The following PCCB variants were observed in gnomAD, a reference collection of about 807,000 sequenced individuals.
PCCB encodes the protein propionyl-CoA carboxylase beta chain, mitochondrial.
PCCB carries 43 observed loss-of-function variants against 60.7 expected under a neutral mutation model. The ratio of observed to expected loss-of-function variants is 0.71; its 90% confidence interval spans 0.55 to 0.91. The LOEUF is 0.91. Among genes scored for constraint, PCCB ranks in the 40% least tolerant of loss-of-function variants. The pLI is 0.00. For synonymous variants in PCCB, 276 were observed against 255.9 expected, an observed-to-expected ratio of 1.08 and a Z score of -0.75; for missense variants, 766 against 702.8, an observed-to-expected ratio of 1.09 and a Z score of -1.02.
chr3:136,262,617 T>C (rs1378110323), intron 5 of PCCB, among the ~76,000 whole-genome samples: 1 of 152,164 alleles, frequency 6.6e-6, no homozygotes. Context: ...AAATAATGTG[T>C]TATGTGAAGT....
intron 10 of PCCB, among the ~76,000 whole-genome samples, chr3:136,322,260 G>A (rs1013331415): frequency 6.6e-6 from 1 of 152,096 alleles, no homozygotes; most frequent in Non-Finnish European, 1.5e-5. Context: ...GATAGATTAC[G>A]TTAATTGATT....
At chr3:136,319,486 C>T (rs2108229442) in intron 10 of PCCB, among the ~76,000 whole-genome samples, 1 of 151,498 alleles carries the variant, frequency 6.6e-6, no homozygotes. Context: ...AATCTCTGTG[C>T]CCCGAGTTTC....
intron 10 of PCCB, among the ~76,000 whole-genome samples, chr3:136,322,211 A>T (rs1199065471): frequency 6.6e-6 from 1 of 152,148 alleles, no homozygotes. Context: ...TTTTGTATTC[A>T]TATGATCATG....
intron 8 of PCCB, among the ~76,000 whole-genome samples, chr3:136,299,971 T>C (rs1017592858): frequency 2.0e-5 from 3 of 151,904 alleles, no homozygotes; most frequent in African/African-American, 4.8e-5. Flanking sequence ...TGTATGCATG[T>C]ATACACACAT....
intron 7 of PCCB, among the ~76,000 whole-genome samples, chr3:136,294,175 T>C (rs1576335147): frequency 6.6e-6 from 1 of 152,286 alleles, no homozygotes; most frequent in Non-Finnish European, 1.5e-5. Flanking sequence ...AGTTGAACCT[T>C]TGAAAAAAAA....
intron 6 of PCCB, among the ~76,000 whole-genome samples, chr3:136,292,312 C>G (rs1933731863): frequency 6.6e-6 from 1 of 151,520 alleles, no homozygotes; most frequent in Admixed American, 6.6e-5. Flanking sequence ...GTGGGGAAGA[C>G]CTTTGTAGCT....
intron 9 of PCCB, among the ~76,000 whole-genome samples, chr3:136,311,757 T>C (rs762815508): frequency 2.0e-5 from 3 of 152,160 alleles, no homozygotes; most frequent in Non-Finnish European, 2.9e-5. Context: ...CCCAGGAGTT[T>C]GAGACCATCC....
chr3:136,320,721 C>T (rs1357008382), intron 10 of PCCB, among the ~76,000 whole-genome samples: 1 of 152,074 alleles, frequency 6.6e-6, no homozygotes, highest in Non-Finnish European at 1.5e-5. Flanking sequence ...TTCATTAGCC[C>T]TCTTGTGGAT....
intron 1 of PCCB, 96 bp from the exon 2 acceptor site, chr3:136,255,760 G>C (rs1158272601): frequency 1.3e-5 from 14 of 1,059,976 alleles, no homozygotes; most frequent in South Asian, 2.5e-5. Context: ...AGATCAACGG[G>C]CAAATCTGCC....
At chr3:136,327,823 GC>G in intron 13 of PCCB, 91 bp downstream of exon 13, 1 of 1,046,148 alleles carries the variant, frequency 9.6e-7, no homozygotes, top group Non-Finnish European at 1.5e-6. Context: ...TTGGAGAGAG[GC>G]CAGGGCCCCT....
At chr3:136,268,961 C>T (rs1372595815) in intron 5 of PCCB, among the ~76,000 whole-genome samples, 1 of 152,174 alleles carries the variant, frequency 6.6e-6, no homozygotes, top group Non-Finnish European at 1.5e-5. Flanking sequence ...CTGTCTTGCA[C>T]TTCTTTTGTT....
At chr3:136,280,056 A>G (rs906642382) in intron 5 of PCCB, among the ~76,000 whole-genome samples, 3 of 152,208 alleles carry the variant, frequency 2.0e-5, no homozygotes, top group Non-Finnish European at 4.4e-5. Flanking sequence ...TGCCTTTTAA[A>G]TCACATAGGA....
chr3:136,280,293 A>G (rs2108176370), intron 5 of PCCB, among the ~76,000 whole-genome samples: 1 of 152,284 alleles, frequency 6.6e-6, no homozygotes, highest in African/African-American at 2.4e-5. Flanking sequence ...TCTTTCTTGA[A>G]GGATAGTTTT....
chr3:136,327,107 A>G (rs750920031), intron 11 of PCCB, 48 bp from the exon 12 acceptor site: 2 of 1,538,460 alleles, frequency 1.3e-6, no homozygotes, highest in South Asian at 2.2e-5. Flanking sequence ...GTGGCAGGAT[A>G]ACCATGTGAG....
rs768595585 is a variant in PCCB at position 136,328,868 on chromosome 3, G to A, written c.1498+11G>A. 12 of 1,589,116 alleles carry A rather than the reference G, an allele frequency of 7.6e-6. No homozygotes were observed. The highest frequency in any genetic ancestry group is 1.0e-5 in the Non-Finnish European group (12 of 1,157,132). On this transcript the variant is annotated intron_variant, in intron 14 of 14. Coordinates refer to ENST00000251654, the MANE Select transcript of PCCB (RefSeq NM_000532.5). ...CTGCAGCAGTGCGAGGTAGGGGACT[G>A]TGGTGAAGAGGGCAGCTTTGTTTGT...
chr3:136,309,617 T>C (rs1934583374), intron 9 of PCCB, among the ~76,000 whole-genome samples: 1 of 151,872 alleles, frequency 6.6e-6, no homozygotes, highest in African/African-American at 2.4e-5. Flanking sequence ...CTGGGCAACA[T>C]AGTGAGTCCC....
At chr3:136,264,486 C>T (rs1941924515) in intron 5 of PCCB, among the ~76,000 whole-genome samples, 1 of 138,036 alleles carries the variant, frequency 7.2e-6, no homozygotes, top group African/African-American at 2.7e-5. Context: ...GGATCCAATC[C>T]AGAATAAAGC....
At chr3:136,261,744 T>C (rs999838572) in intron 4 of PCCB, among the ~76,000 whole-genome samples, 2 of 152,196 alleles carry the variant, frequency 1.3e-5, no homozygotes, top group Non-Finnish European at 2.9e-5. Context: ...TCTTGGGTGT[T>C]TGGGGGCTTT....
chr3:136,250,573 G>C lies in PCCB; in HGVS notation c.183+15G>C, dbSNP rs901718142. 3 of 1,601,510 alleles carry C rather than the reference G, an allele frequency of 1.9e-6. No individual in the cohort carries two copies. Among genetic ancestry groups the C allele is most frequent in the Non-Finnish European group, 2.6e-6 (3 of 1,173,024 alleles). ...AGCACAAGCGAGTGAGTCCTGAGGG[G>C]CCTAAGTGAGTCCCGCCCCTGGCGT... On this transcript the variant is annotated intron_variant, in intron 1 of 14. Transcript: ENST00000251654.
Sources: allele counts gnomAD v4.1 joint callset (sites outside exome capture counted in the v4.1 genomes callset), GRCh38; gene constraint gnomAD v4.1.1; transcripts MANE v1.5; gene names NCBI Gene and HGNC (gene_info 2026-07-23, HGNC 2026-07-21).